TBCK: variants seen among roughly 807,000 people sequenced by gnomAD.
TBCK encodes TBC1 domain containing kinase.
TBCK carries 99 observed loss-of-function variants against 113.4 expected under a neutral mutation model. That is an observed-to-expected ratio of 0.87 (90% confidence interval 0.74 to 1.03). The LOEUF (loss-of-function observed/expected upper bound fraction) is 1.03. TBCK is among the 50% of genes least tolerant of loss of function. The probability of loss-of-function intolerance (pLI) is 0.00; values close to 1 mark genes in which losing one functional copy is unlikely to be tolerated. For missense variants in TBCK, 1,045 were observed against 1,061.3 expected, an observed-to-expected ratio of 0.98 and a Z score of 0.21; for synonymous variants, 369 against 370.8, an observed-to-expected ratio of 1.00 and a Z score of 0.05.
intron 20 of TBCK, among the ~76,000 whole-genome samples, chr4:106,212,456 T>A (rs1287614227): frequency 1.3e-5 from 2 of 152,160 alleles, no homozygotes; most frequent in African/African-American, 4.8e-5. Context: ...AAATCAGGCC[T>A]GAATATCATA....
At chr4:106,055,567 C>G (rs1735290866) in intron 25 of TBCK, among the ~76,000 whole-genome samples, 1 of 151,410 alleles carries the variant, frequency 6.6e-6, no homozygotes, top group East Asian at 1.9e-4. Flanking sequence ...CACACACACA[C>G]ACACACACAT....
At chr4:106,103,373 T>G (rs1447959805) in intron 24 of TBCK, among the ~76,000 whole-genome samples, 1 of 152,224 alleles carries the variant, frequency 6.6e-6, no homozygotes, top group Non-Finnish European at 1.5e-5. Context: ...TCTGAATGAA[T>G]ATATCTAGTG....
In TBCK at chr4:106,193,848, C is replaced by T; in HGVS notation, c.1898-78G>A. On this transcript the variant is annotated intron_variant, in intron 21 of 25. Transcript: ENST00000394708. ...ACAATAACAACTTACTTTACTAGTT[C>T]TATAATTATTACCTTATGGTCAAAA... The T allele has an allele frequency of 8.6e-6, 8 of 926,738 alleles. No homozygotes were observed. In the South Asian group the frequency reaches 1.4e-4, roughly 16 times the overall value. The allele number at this position is 926,738 out of a possible 1,614,324, so 57.4% of individuals were successfully genotyped here. A position where few individuals can be genotyped will look rare whatever the true frequency, so the allele number is the denominator to read the frequency against.
chr4:106,311,679 G>C (rs1325630366), intron 1 of TBCK, among the ~76,000 whole-genome samples: 2 of 152,056 alleles, frequency 1.3e-5, no homozygotes, highest in Admixed American at 6.6e-5. Context: ...GTGAATTAAT[G>C]GGTGTTCATG....
intron 23 of TBCK, among the ~76,000 whole-genome samples, chr4:106,159,990 T>C (rs556001288): frequency 6.6e-6 from 1 of 152,170 alleles, no homozygotes; most frequent in African/African-American, 2.4e-5. Context: ...GTCAAATAAG[T>C]TCTGAGAAGG....
intron 3 of TBCK, among the ~76,000 whole-genome samples, chr4:106,292,624 TGAG>T (rs1379958940): frequency 6.6e-6 from 1 of 151,396 alleles, no homozygotes; most frequent in Non-Finnish European, 1.5e-5. Context: ...TGCAGCTCTG[TGAG>T]GAGATGGACA....
chr4:106,178,922 T>G (rs1752007617), intron 22 of TBCK, among the ~76,000 whole-genome samples: 2 of 151,974 alleles, frequency 1.3e-5, no homozygotes, highest in South Asian at 4.1e-4. Flanking sequence ...TATTAATTGT[T>G]GATCTGTTCA....
intron 23 of TBCK, among the ~76,000 whole-genome samples, chr4:106,150,480 C>T (rs538143487): frequency 3.3e-5 from 5 of 152,150 alleles, no homozygotes; most frequent in Non-Finnish European, 5.9e-5. Context: ...ATGTGTGCAT[C>T]GAGTCCTAAA....
intron 3 of TBCK, among the ~76,000 whole-genome samples, chr4:106,289,322 G>T (rs1219703787): frequency 1.3e-5 from 2 of 152,162 alleles, no homozygotes; most frequent in Non-Finnish European, 2.9e-5. Context: ...TCATAAAATA[G>T]ATGTTTCTAT....
chr4:106,250,532 A>G, intron 6 of TBCK, 54 bp from the exon 7 acceptor site: 2 of 1,076,774 alleles, frequency 1.9e-6, no homozygotes, highest in Non-Finnish European at 2.7e-6. Flanking sequence ...TTTTTCTAGG[A>G]AGGCATTTTT....
rs139809717 is a variant in TBCK, at chr4:106,072,295, C to T, written c.2571+23187G>A. Among the ~76,000 whole-genome samples, 883 of 152,068 alleles carry T rather than the reference C, an allele frequency of 5.8e-3. 10 individuals carry two copies. Among genetic ancestry groups the T allele is most frequent in the African/African-American group, 0.02 (834 of 41,490 alleles). ...GGCTCTTGTAAGGTAGGCCTGTTGGCGACAAAATCTCTCAGCATTTGCTTG... is the reference window on the plus strand; with the variant it reads ...GGCTCTTGTAAGGTAGGCCTGTTGGTGACAAAATCTCTCAGCATTTGCTTG... On this transcript the variant is annotated intron_variant, in intron 25 of 25. Coordinates refer to ENST00000394708, the MANE Select transcript of TBCK (RefSeq NM_001163435.3).
rs962917617 is a variant in TBCK, at chr4:106,146,183, G to GTACATATACATATACATGTAATACATA, written c.2235+24885_2235+24911dup. 9.2e-5 allele frequency among the ~76,000 whole-genome samples: 14 copies of GTACATATACATATACATGTAATACATA among 152,068 alleles called. 1 individual carries two copies. Among genetic ancestry groups the GTACATATACATATACATGTAATACATA allele is most frequent in the Middle Eastern group, 3.4e-3 (1 of 292 alleles). ...TGACAGACTGGATAAAGAAAATGTG[G>GTACATATACATATACATGTAATACATA]TACATATACATATACATGTAATACA... On this transcript the variant is annotated intron_variant, in intron 23 of 25. Transcript: ENST00000394708.
At chr4:106,051,852 T>C (rs1470333226) in intron 25 of TBCK, among the ~76,000 whole-genome samples, 1 of 151,900 alleles carries the variant, frequency 6.6e-6, no homozygotes, top group Non-Finnish European at 1.5e-5. Flanking sequence ...ATTAATAAAG[T>C]TCTTAATCAG....
At chr4:106,170,339 C>T (rs1486101946) in intron 23 of TBCK, among the ~76,000 whole-genome samples, 4 of 151,926 alleles carry the variant, frequency 2.6e-5, no homozygotes, top group African/African-American at 7.3e-5. Flanking sequence ...TATATATATT[C>T]ATTTAGCTGT....
intron 25 of TBCK, among the ~76,000 whole-genome samples, chr4:106,072,719 A>G (rs1737623861): frequency 6.6e-6 from 1 of 152,114 alleles, no homozygotes; most frequent in South Asian, 2.1e-4. Flanking sequence ...TCTCCCTGTC[A>G]CTTTCAAGTA....
intron 5 of TBCK, among the ~76,000 whole-genome samples, chr4:106,257,573 G>A (rs1202720294): frequency 6.6e-6 from 1 of 151,974 alleles, no homozygotes; most frequent in Non-Finnish European, 1.5e-5. Flanking sequence ...TGATGATGGT[G>A]ATACCAGTAT....
chr4:106,119,989 G>A (rs552489397), intron 23 of TBCK, among the ~76,000 whole-genome samples: 4 of 152,222 alleles, frequency 2.6e-5, no homozygotes, highest in African/African-American at 7.2e-5. Flanking sequence ...GGAACAGCTC[G>A]GGTCTACAGC....
intron 23 of TBCK, among the ~76,000 whole-genome samples, chr4:106,125,454 T>C (rs1314563039): frequency 6.6e-6 from 1 of 152,176 alleles, no homozygotes; most frequent in Non-Finnish European, 1.5e-5. Context: ...CATTATTTTA[T>C]TGTGCCACTG....
At chr4:106,293,101 A>G (rs1014223705) in intron 3 of TBCK, among the ~76,000 whole-genome samples, 11 of 152,206 alleles carry the variant, frequency 7.2e-5, no homozygotes, top group African/African-American at 2.4e-4. Flanking sequence ...ATAGATCCGC[A>G]ACCCATTTGT....
Sources: gnomAD v4.1 joint callset for allele counts (sites outside exome capture counted in the v4.1 genomes callset) on GRCh38, gnomAD v4.1.1 for gene constraint, MANE v1.5 for transcripts, NCBI Gene and HGNC (gene_info 2026-07-23, HGNC 2026-07-21) for gene names.